HK1: variants seen among roughly 807,000 people sequenced by gnomAD.
The protein encoded by HK1 is hexokinase 1, also known as hexokinase-1.
Under a neutral mutation model 91.6 loss-of-function variants are expected in HK1, and 28 were observed. The observed-to-expected ratio is 0.31, with a 90% confidence interval of 0.23 to 0.42. The LOEUF (loss-of-function observed/expected upper bound fraction) is 0.42. HK1 is among the 10% of genes least tolerant of loss of function. HK1 has a pLI of 1.00. For synonymous variants in HK1, 430 were observed against 468.1 expected (o/e 0.92, Z 1.05); for missense variants, 770 against 1,219.8 (o/e 0.63, Z 5.49).
rs180913979 is a variant in HK1, at chr10:69,362,790, C to A, written c.376-1993C>A. On this transcript the variant is annotated intron_variant, in intron 3 of 17. Coordinates refer to ENST00000359426, the MANE Select transcript of HK1 (RefSeq NM_000188.3). ...AGATGGCGTGGGGCGCCAGGACCAA[C>A]TTAGTAATGAGTTTATATCAGTCTG... Among the ~76,000 whole-genome samples the A allele has an allele frequency of 2.6e-5, 4 of 152,212 alleles. No individual in the cohort carries two copies. In the East Asian group the frequency reaches 7.7e-4, roughly 29 times the overall value.
At chr10:69,324,523 C>T (rs1054655439) in intron 1 of HK1, among the ~76,000 whole-genome samples, 11 of 151,914 alleles carry the variant, frequency 7.2e-5, no homozygotes, top group Admixed American at 2.0e-4. Flanking sequence ...ACCTGGGAGG[C>T]GGAGGTTGCA....
chr10:69,327,196 G>A (rs1847433719), intron 1 of HK1, among the ~76,000 whole-genome samples: 1 of 151,586 alleles, frequency 6.6e-6, no homozygotes, highest in Non-Finnish European at 1.5e-5. Context: ...TCACCATGTT[G>A]GTCAGGCTGG....
At chr10:69,346,680 T>C (rs549142852) in intron 2 of HK1, among the ~76,000 whole-genome samples, 63 of 152,104 alleles carry the variant, frequency 4.1e-4, no homozygotes, top group African/African-American at 1.5e-3. Context: ...TTTATTTTTA[T>C]TTTTTAGTTG....
intron 3 of HK1, among the ~76,000 whole-genome samples, chr10:69,289,868 A>C (rs1845218501): frequency 6.8e-6 from 1 of 146,876 alleles, no homozygotes; most frequent in African/African-American, 2.5e-5. Flanking sequence ...TGATCCTCCC[A>C]CCTCATCCTC....
At chr10:69,365,389 C>A (rs1459961068) in intron 4 of HK1, among the ~76,000 whole-genome samples, 1 of 152,188 alleles carries the variant, frequency 6.6e-6, no homozygotes, top group Non-Finnish European at 1.5e-5. Flanking sequence ...TTGTTGTACC[C>A]ACCTTCCTGT....
chr10:69,330,253 A>G (rs926253483), intron 1 of HK1, among the ~76,000 whole-genome samples: 10 of 152,210 alleles, frequency 6.6e-5, no homozygotes, highest in Admixed American at 2.6e-4. Context: ...GACCCAGGCT[A>G]CTGCTGTGAT....
rs1477873055 is a variant in HK1, at chr10:69,382,594, C to T, written c.1373C>T (p.Ala458Val). ...GSGKGAAMVT[A>V]VAYRLAEQHR... ...GGCAAGGGGGCTGCCATGGTGACGGCGGTGGCCTACCGCTTGGCCGAGCAG... is the reference window on the plus strand; with the variant it reads ...GGCAAGGGGGCTGCCATGGTGACGGTGGTGGCCTACCGCTTGGCCGAGCAG... Residue 458 changes from alanine (A) to valine (V), a missense_variant, in exon 10 of 18, where the codon GCG (alanine) becomes GTG (valine). By Grantham distance (64) the Ala-to-Val change is moderately conservative. This residue lies in a region of HK1 where 449 missense variants were observed against 665.1 expected (regional missense o/e 0.68). Transcript: ENST00000359426. The T allele has an allele frequency of 6.2e-7, 1 of 1,614,160 alleles. No individual in the cohort carries two copies. Among genetic ancestry groups the T allele is most frequent in the Non-Finnish European group, 8.5e-7 (1 of 1,180,018 alleles).
In HK1 at chr10:69,401,014, C is replaced by T. The variant is rs150481224; in HGVS notation, c.2633C>T (p.Thr878Met). 1.6e-4 allele frequency: 263 copies of T among 1,614,126 alleles called. 1 individual carries two copies. Among genetic ancestry groups the T allele is most frequent in the Non-Finnish European group, 2.0e-4 (239 of 1,180,038 alleles). Residue 878 changes from threonine (T) to methionine (M), a missense_variant, in exon 18 of 18, where the codon ACG (threonine) becomes ATG (methionine). Physicochemically the swap from Thr to Met is moderately conservative, Grantham distance 81. Coordinates refer to ENST00000359426, the MANE Select transcript of HK1 (RefSeq NM_000188.3). ...AGCTTCTCCAGAATCATGCACCAGA[C>T]GGTGAAGGAACTGTCACCAAAATGT... ...HPHFSRIMHQTVKELSPKCNV... is the reference protein window; with the variant it reads ...HPHFSRIMHQMVKELSPKCNV...
At chr10:69,279,377 G>T (rs1028402666) in intron 1 of HK1, among the ~76,000 whole-genome samples, 2 of 152,192 alleles carry the variant, frequency 1.3e-5, no homozygotes, top group Non-Finnish European at 2.9e-5. Context: ...TGGGTCTTTT[G>T]TTAGCACATT....
chr10:69,385,878 TG>T lies in HK1; in HGVS notation c.1840-444del, dbSNP rs537075596. Among the ~76,000 whole-genome samples, 6 of 152,350 alleles carry T rather than the reference TG, an allele frequency of 3.9e-5. No individual in the cohort carries two copies. In the South Asian group the frequency reaches 1.2e-3, roughly 32 times the overall value. On this transcript the variant is annotated intron_variant, in intron 12 of 17. Transcript: ENST00000359426. ...CCAGTGTACTTTCTTCCCCAGGAAG[TG>T]TTTTAACTTCAATCCAGTGAAAGCT...
intron 4 of HK1, chr10:69,296,394 G>A (rs7897621): frequency 0.8 from 122,220 of 152,472 alleles, 49,522 homozygotes; most frequent in Non-Finnish European, 0.87. Flanking sequence ...GATTCAACCT[G>A]GAGCCCCAGA....
chr10:69,320,304 G>A (rs139195854), intron 1 of HK1, among the ~76,000 whole-genome samples: 248 of 152,284 alleles, frequency 1.6e-3, no homozygotes, highest in South Asian at 7.7e-3. Context: ...AGCCGCTGGG[G>A]ACCCTGCCGT....
intron 17 of HK1, 27 bp downstream of exon 17, chr10:69,398,855 G>C (rs766983713): frequency 5.2e-6 from 8 of 1,542,718 alleles, no homozygotes; most frequent in Non-Finnish European, 7.2e-6. Context: ...GTTGGGATGC[G>C]CAGAGCTTGC....
chr10:69,382,469 C>T lies in HK1; in HGVS notation c.1266-18C>T. On this transcript the variant is annotated intron_variant, in intron 9 of 17. Coordinates refer to ENST00000359426, the MANE Select transcript of HK1 (RefSeq NM_000188.3). ...GCTCAGTCCAGCTGTTGTGGAATGT[C>T]CCCCCTGCCCCCATAAGGTATTCCC... is the stretch of plus-strand genomic sequence containing the variant. The T allele has an allele frequency of 1.2e-6, 2 of 1,612,370 alleles. No homozygotes were observed. Among genetic ancestry groups the T allele is most frequent in the South Asian group, 1.1e-5 (1 of 91,024 alleles).
At chr10:69,278,961 G>A (rs10998690) in intron 1 of HK1, among the ~76,000 whole-genome samples, 7,859 of 152,280 alleles carry the variant, frequency 0.052, 656 homozygotes, top group African/African-American at 0.18. Context: ...GAGAAGCTGT[G>A]ATTCTAGCCT....
chr10:69,277,717 A>G (rs1157500775), intron 1 of HK1, among the ~76,000 whole-genome samples: 7 of 152,116 alleles, frequency 4.6e-5, no homozygotes, highest in Non-Finnish European at 8.8e-5. Flanking sequence ...ACTATTTACC[A>G]CACAACTGAG....
intron 3 of HK1, among the ~76,000 whole-genome samples, chr10:69,289,346 G>C (rs1288731141): frequency 5.3e-5 from 8 of 151,676 alleles, no homozygotes; most frequent in Non-Finnish European, 1.0e-4. Flanking sequence ...ATGCTGTGAA[G>C]TCATCAGTGT....
intron 1 of HK1, among the ~76,000 whole-genome samples, chr10:69,278,137 G>A (rs1200991578): frequency 6.6e-6 from 1 of 152,202 alleles, no homozygotes; most frequent in Non-Finnish European, 1.5e-5. Context: ...GGGGGCAGAG[G>A]AAATGAGACT....
intron 5 of HK1, among the ~76,000 whole-genome samples, chr10:69,302,012 G>A (rs1007428056): frequency 2.0e-5 from 3 of 152,084 alleles, no homozygotes; most frequent in Non-Finnish European, 2.9e-5. Flanking sequence ...TTGGGAGGCC[G>A]AAACAGGTGG....
Sources: allele counts gnomAD v4.1 joint callset (sites outside exome capture counted in the v4.1 genomes callset), GRCh38; gene constraint gnomAD v4.1.1; regional missense constraint gnomAD v4.1.1; transcripts MANE v1.5; gene names NCBI Gene and HGNC (gene_info 2026-07-23, HGNC 2026-07-21).